Variants in PDXDC1 observed in about 807,000 individuals in gnomAD.
PDXDC1 encodes the protein pyridoxal dependent decarboxylase domain containing 1, also known as pyridoxal-dependent decarboxylase domain-containing protein 1.
PDXDC1 carries 42 observed loss-of-function variants against 100.1 expected under a neutral mutation model. That is an observed-to-expected ratio of 0.42 (90% CI 0.33 to 0.54). PDXDC1 has a LOEUF of 0.54. Ranked by LOEUF, PDXDC1 falls within the 20% of genes least tolerant of loss-of-function variation. The pLI, the probability that PDXDC1 is intolerant of heterozygous loss-of-function variation, is 0.10. For missense variants in PDXDC1, 636 were observed against 979.2 expected (o/e 0.65, Z 4.68); for synonymous variants, 260 against 371.7 (o/e 0.70, Z 3.46).
chr16:14,979,201 A>G (rs1201845908), intron 1 of PDXDC1, among the ~76,000 whole-genome samples: 2 of 152,298 alleles, frequency 1.3e-5, no homozygotes, highest in Non-Finnish European at 2.9e-5. Flanking sequence ...CAGCAGCCAC[A>G]TGTGGCTGAT....
intron 16 of PDXDC1, chr16:15,136,262 G>A: frequency 4.9e-6 from 3 of 617,720 alleles, no homozygotes; most frequent in Non-Finnish European, 5.7e-6. Context: ...AGCCTGGAGA[G>A]CAGGGCCCAC....
rs563772794 is a variant in PDXDC1 at position 15,060,006 on chromosome 16, A to C, written c.1399+29950A>C. On this transcript the variant is annotated intron_variant, in intron 16 of 16. Coordinates refer to the PDXDC1 transcript ENST00000535621. The stretch of plus-strand genomic sequence containing the variant: ...CTTTAATACATTAAATTAAAAAAAA[A>C]AAAACAAAACAGAAATTGAAAGAAC... The C allele has an allele frequency of 1.0e-4, 18 of 178,502 alleles. No homozygotes were observed. In the East Asian group the frequency reaches 1.0e-3, roughly 10 times the overall value. 11.1% of individuals were successfully genotyped at this position (178,502 alleles called of 1,614,324 possible).
chr16:15,017,633 G>A (rs2041890750), intron 11 of PDXDC1, among the ~76,000 whole-genome samples: 1 of 152,238 alleles, frequency 6.6e-6, no homozygotes. Context: ...CTCCATTTAT[G>A]AACTTATAGG....
chr16:15,135,727 G>A (rs1165051898), intron 16 of PDXDC1: 4 of 1,595,332 alleles, frequency 2.5e-6, no homozygotes, highest in South Asian at 2.2e-5. Context: ...CGTAGGACTC[G>A]CTCCCATCCA....
chr16:15,148,853 TC>T, the PDXDC1 span, among the ~76,000 whole-genome samples: 3 of 151,948 alleles, frequency 2.0e-5, no homozygotes, highest in Non-Finnish European at 2.9e-5. Context: ...AACCAAAGCC[TC>T]CCCATCCCTT....
At chr16:15,149,148 G>A in the PDXDC1 span, among the ~76,000 whole-genome samples, 1 of 152,138 alleles carries the variant, frequency 6.6e-6, no homozygotes, top group Admixed American at 6.5e-5. Flanking sequence ...TCTCCTGACT[G>A]AGGCCCTACC....
At chr16:14,994,308 A>G (rs1374402712) in intron 1 of PDXDC1, among the ~76,000 whole-genome samples, 20 of 152,270 alleles carry the variant, frequency 1.3e-4, no homozygotes, top group African/African-American at 4.8e-4. Flanking sequence ...TCTTGAATTA[A>G]TTTTTGTATA....
At chr16:15,065,347 G>A in intron 16 of PDXDC1, 1 of 1,613,578 alleles carries the variant, frequency 6.2e-7, no homozygotes. Flanking sequence ...CAATGATGGT[G>A]TAGCAGAAGA....
intron 22 of PDXDC1, 59 bp downstream of exon 22, chr16:15,035,612 G>C (rs375597858): frequency 4.0e-6 from 4 of 992,640 alleles, no homozygotes; most frequent in Non-Finnish European, 6.0e-6. Context: ...ACTGTTACTT[G>C]CGTTTGTTTT....
At chr16:15,123,000 G>T (rs1206189353) in intron 16 of PDXDC1, among the ~76,000 whole-genome samples, 1 of 151,004 alleles carries the variant, frequency 6.6e-6, no homozygotes, top group African/African-American at 2.4e-5. Flanking sequence ...TTTAGCTACA[G>T]GTCACGGAGA....
rs1024163291 is a variant in PDXDC1 at position 15,089,680 on chromosome 16, G to A, written c.1400-49199G>A. Among the ~76,000 whole-genome samples, 13 of 148,386 alleles carry A rather than the reference G, an allele frequency of 8.8e-5. No individual in the cohort carries two copies. In the East Asian group the frequency reaches 1.0e-3, roughly 12 times the overall value. On this transcript the variant is annotated intron_variant, in intron 16 of 16. Coordinates refer to the PDXDC1 transcript ENST00000535621. ...CTGGCGGTGGTGGCGGGCGAGTGTA[G>A]TCTCAGCTACTTGGGAGGCTGAGGC...
intron 8 of PDXDC1, among the ~76,000 whole-genome samples, chr16:15,013,094 C>T (rs1376626584): frequency 1.3e-5 from 2 of 152,368 alleles, no homozygotes; most frequent in East Asian, 1.9e-4. Context: ...GGCATGAACT[C>T]GGGAGGCAGA....
the PDXDC1 span, among the ~76,000 whole-genome samples, chr16:15,148,894 G>A: frequency 6.6e-6 from 1 of 152,140 alleles, no homozygotes; most frequent in East Asian, 1.9e-4. Flanking sequence ...TCGCGTACAG[G>A]AGTGAGCGTG....
At chr16:15,092,538 C>G in intron 16 of PDXDC1, 1 of 1,613,220 alleles carries the variant, frequency 6.2e-7, no homozygotes, top group Non-Finnish European at 8.5e-7. Context: ...ACTTCTGTCA[C>G]AGTTCCACCA....
At chr16:14,979,979 T>C (rs1479772063) in intron 1 of PDXDC1, among the ~76,000 whole-genome samples, 1 of 152,290 alleles carries the variant, frequency 6.6e-6, no homozygotes, top group Non-Finnish European at 1.5e-5. Context: ...AGCTTTCATA[T>C]AAAGCCAATT....
At position 15,036,103 on chromosome 16, in the gene PDXDC1, T is replaced by TGGAGCGCCTATCCAGTGGGCC. The variant is rs779334322; in HGVS notation, c.2201_2221dup (p.Arg734_Glu740dup). Reference sequence around the variant, plus strand: ...AGTCACATTGAAGACTTAGAAAAGGTGGAGCGCCTATCCAGTGGGCCGGAG... The same window carrying TGGAGCGCCTATCCAGTGGGCC: ...AGTCACATTGAAGACTTAGAAAAGGTGGAGCGCCTATCCAGTGGGCCGGAGCGCCTATCCAGTGGGCCGGAG... On this transcript the variant is annotated inframe_insertion, in exon 23 of 23. Transcript: ENST00000396410. 7.4e-6 allele frequency: 12 copies of TGGAGCGCCTATCCAGTGGGCC among 1,613,976 alleles called. No individual in the cohort carries two copies. The Admixed American group carries it at 1.0e-4, about 13-fold the overall frequency.
chr16:15,038,541 G>T, downstream of PDXDC1: 2 of 1,194,864 alleles, frequency 1.7e-6, no homozygotes, highest in Non-Finnish European at 2.5e-6. Context: ...AGGGTGCAGA[G>T]ATTTAAGACT....
chr16:15,128,401 G>A (rs767332381), intron 16 of PDXDC1: 2 of 1,505,572 alleles, frequency 1.3e-6, no homozygotes, highest in African/African-American at 1.4e-5. Flanking sequence ...TGGAGGGCAA[G>A]AGGGAGGGGT....
intron 1 of PDXDC1, among the ~76,000 whole-genome samples, chr16:14,990,780 G>A (rs543894692): frequency 3.1e-3 from 466 of 152,252 alleles, no homozygotes; most frequent in African/African-American, 0.01. Context: ...TTGGTCTGGC[G>A]CCAAGGCTGA....
Sources: gnomAD v4.1 joint callset for allele counts (sites outside exome capture counted in the v4.1 genomes callset) on GRCh38, gnomAD v4.1.1 for gene constraint, MANE v1.5 for transcripts, NCBI Gene and HGNC (gene_info 2026-07-23, HGNC 2026-07-21) for gene names.